Variants in FRMPD4 observed in about 807,000 individuals in gnomAD.
FRMPD4 encodes FERM and PDZ domain containing 4.
Under a neutral mutation model 94.1 loss-of-function variants are expected in FRMPD4, and 22 were observed. That is an observed-to-expected ratio of 0.23 (90% CI 0.17 to 0.33). The LOEUF (loss-of-function observed/expected upper bound fraction) is 0.33. Ranked by LOEUF, FRMPD4 falls within the 10% of genes least tolerant of loss-of-function variation. FRMPD4 has a pLI of 1.00. For synonymous variants in FRMPD4, 631 were observed against 548.6 expected, an observed-to-expected ratio of 1.15 and a Z score of -2.10; for missense variants, 1,111 against 1,339.9, an observed-to-expected ratio of 0.83 and a Z score of 2.67.
At chrX:12,544,074 CG>C (rs2058447728) in intron 2 of FRMPD4, among the ~76,000 whole-genome samples, 1 of 66,872 alleles carries the variant, frequency 1.5e-5, no homozygotes, top group Admixed American at 2.2e-4. Context: ...CATCACACAC[CG>C]GGGCCTGTTG....
intron 4 of FRMPD4, among the ~76,000 whole-genome samples, chrX:12,615,812 T>TTTC (rs2059230523): frequency 9.0e-6 from 1 of 110,547 alleles, no homozygotes; most frequent in African/African-American, 3.3e-5. Context: ...CCATTGAAAG[T>TTTC]AATGGCAAAA....
intron 3 of FRMPD4, among the ~76,000 whole-genome samples, chrX:11,987,015 A>G (rs968614101): frequency 2.9e-5 from 3 of 105,015 alleles, no homozygotes; most frequent in African/African-American, 1.0e-4. Flanking sequence ...AACTAGTCTG[A>G]AAAAGAGAGG....
chrX:12,168,893 G>C (rs149736626), intron 1 of FRMPD4, among the ~76,000 whole-genome samples: 1 of 111,592 alleles, frequency 9.0e-6, no homozygotes, highest in East Asian at 2.8e-4. Context: ...CCAGAGTGCT[G>C]GGATTACAGG....
At chrX:12,022,111 G>A (rs773557500) in intron 3 of FRMPD4, among the ~76,000 whole-genome samples, 1 of 112,443 alleles carries the variant, frequency 8.9e-6, no homozygotes, top group Non-Finnish European at 1.9e-5. Context: ...TGTGTCATTC[G>A]TTTGTGTCCC....
At chrX:11,870,915 C>T (rs1209586290) in intron 2 of FRMPD4, among the ~76,000 whole-genome samples, 1 of 112,011 alleles carries the variant, frequency 8.9e-6, no homozygotes, top group Non-Finnish European at 1.9e-5. Context: ...ATTGGCCTCC[C>T]AAATTAACTC....
chrX:12,026,669 A>G (rs2054663068), intron 3 of FRMPD4, among the ~76,000 whole-genome samples: 1 of 112,322 alleles, frequency 8.9e-6, no homozygotes, highest in African/African-American at 3.2e-5. Flanking sequence ...TACCCTCCCC[A>G]TGTATGAATC....
At chrX:12,504,921 G>A (rs1047758168) in intron 2 of FRMPD4, among the ~76,000 whole-genome samples, 1 of 112,394 alleles carries the variant, frequency 8.9e-6, no homozygotes, top group African/African-American at 3.2e-5. Context: ...AGTATCTGGA[G>A]GGATTGTAAT....
chrX:12,450,939 C>A (rs5979628), intron 1 of FRMPD4, among the ~76,000 whole-genome samples: 4,516 of 106,358 alleles, frequency 0.042, 294 homozygotes, highest in African/African-American at 0.15. Context: ...CCAGTGGCCC[C>A]TCATCTTATT....
intron 1 of FRMPD4, among the ~76,000 whole-genome samples, chrX:11,843,806 C>T (rs1169359163): frequency 3.6e-5 from 4 of 110,391 alleles, no homozygotes; most frequent in Non-Finnish European, 7.6e-5. Context: ...CTGCCTTGGC[C>T]TTCAAAAGCA....
At chrX:12,106,757 C>T (rs1477435560) in intron 3 of FRMPD4, among the ~76,000 whole-genome samples, 7 of 111,724 alleles carry the variant, frequency 6.3e-5, no homozygotes, top group African/African-American at 1.3e-4. Context: ...TTATATCCCG[C>T]GCCTGGCTCA....
At chrX:12,230,183 T>G (rs939094158) in intron 1 of FRMPD4, among the ~76,000 whole-genome samples, 1 of 111,857 alleles carries the variant, frequency 8.9e-6, no homozygotes, top group Non-Finnish European at 1.9e-5. Context: ...CAGATGAATC[T>G]GACCAGCTGT....
intron 1 of FRMPD4, among the ~76,000 whole-genome samples, chrX:12,411,793 T>C (rs1253383324): frequency 9.0e-6 from 1 of 111,070 alleles, no homozygotes; most frequent in Non-Finnish European, 1.9e-5. Flanking sequence ...CACTGCATGG[T>C]CCAAGATGAC....
At chrX:12,463,300 A>C (rs1224363699) in intron 1 of FRMPD4, among the ~76,000 whole-genome samples, 1 of 110,895 alleles carries the variant, frequency 9.0e-6, no homozygotes, top group Non-Finnish European at 1.9e-5. Flanking sequence ...GGCTTTTTGT[A>C]GAGTTTTCTA....
rs914293894 is a variant in FRMPD4 at position 12,531,619 on chromosome X, G to T, written c.158+32823G>T. 2.7e-5 allele frequency among the ~76,000 whole-genome samples: 3 copies of T among 111,628 alleles called. No homozygotes were observed. The Admixed American group carries it at 2.9e-4, about 11-fold the overall frequency. The stretch of plus-strand genomic sequence containing the variant: ...CATGAACCACATTTTGGGTGGCAAG[G>T]TTCTTAAGGTATCATTCAATATTGG... On this transcript the variant is annotated intron_variant, in intron 2 of 16. Transcript: ENST00000675598.
At chrX:12,193,821 AGGAAGGAGGG>A (rs772283765) in intron 1 of FRMPD4, among the ~76,000 whole-genome samples, 2,521 of 38,076 alleles carry the variant, frequency 0.066, 480 homozygotes, top group Middle Eastern at 0.091. Flanking sequence ...GAAGGAAGGA[AGGAAGGAGGG>A]AAGGAAGAAA....
chrX:12,497,063 T>TGGAAA (rs1375230961), intron 1 of FRMPD4, among the ~76,000 whole-genome samples: 1 of 111,040 alleles, frequency 9.0e-6, no homozygotes. Context: ...GGAAGAAGAA[T>TGGAAA]GGAAAGGAAA....
At chrX:12,387,874 C>A (rs1378840109) in intron 1 of FRMPD4, among the ~76,000 whole-genome samples, 4 of 108,713 alleles carry the variant, frequency 3.7e-5, no homozygotes, top group African/African-American at 1.3e-4. Flanking sequence ...TGAGAGCCAG[C>A]GTCCATGTCT....
intron 2 of FRMPD4, among the ~76,000 whole-genome samples, chrX:12,564,737 C>A (rs1352159602): frequency 1.8e-5 from 2 of 110,554 alleles, no homozygotes; most frequent in Non-Finnish European, 3.8e-5. Context: ...AAGCAGAGAT[C>A]CCTGGAGAAA....
chrX:12,306,103 C>G (rs1368320147), intron 1 of FRMPD4, among the ~76,000 whole-genome samples: 1 of 104,195 alleles, frequency 9.6e-6, no homozygotes, highest in East Asian at 3.0e-4. Context: ...AAAAACAAAA[C>G]CCCCCAAAAG....
Sources: allele counts gnomAD v4.1 joint callset (sites outside exome capture counted in the v4.1 genomes callset), GRCh38; gene constraint gnomAD v4.1.1; transcripts MANE v1.5; gene names NCBI Gene and HGNC (gene_info 2026-07-23, HGNC 2026-07-21).